PEX11A: variants seen among roughly 807,000 people sequenced by gnomAD.
PEX11A encodes peroxisomal biogenesis factor 11 alpha, also known as peroxisomal membrane protein 11A.
A neutral mutation model predicts 14.4 loss-of-function variants in PEX11A; 13 were observed. That is an observed-to-expected ratio of 0.90 (90% CI 0.59 to 1.43). PEX11A has a LOEUF of 1.43. PEX11A is among the 40% of genes most tolerant of loss of function. The pLI is 0.00. For missense variants in PEX11A, 290 were observed against 302.8 expected, an observed-to-expected ratio of 0.96 and a Z score of 0.31; for synonymous variants, 101 against 113.0, an observed-to-expected ratio of 0.89 and a Z score of 0.67.
chr15:89,681,592 T>A lies in PEX11A; in HGVS notation c.*1785A>T. ...CTATTACAGTAGAGGATCTGGACAA[T>A]AAAAATAGTTATTTAAGCTTTTTAT... On this transcript the variant is annotated 3_prime_UTR_variant, in exon 3 of 3. Transcript: ENST00000300056. The A allele has an allele frequency of 1.5e-6, 1 of 680,112 alleles. No individual in the cohort carries two copies. Among genetic ancestry groups the A allele is most frequent in the Non-Finnish European group, 2.7e-6 (1 of 375,360 alleles). The allele number at this position is 680,112 out of a possible 1,614,324, so 42.1% of individuals were successfully genotyped here.
intron 2 of PEX11A, among the ~76,000 whole-genome samples, chr15:89,685,120 C>T (rs980824106): frequency 2.1e-5 from 3 of 143,510 alleles, no homozygotes; most frequent in Non-Finnish European, 4.5e-5. Flanking sequence ...GGGAGAATTG[C>T]TTGAACCTGG....
In PEX11A at chr15:89,682,888, T is replaced by C. The variant is rs1372526640; in HGVS notation, c.*489A>G. The C allele has an allele frequency of 1.3e-5, 2 of 159,234 alleles. No homozygotes were observed. The highest frequency in any genetic ancestry group is 1.9e-4 in the East Asian group (1 of 5,364). 9.9% of individuals were successfully genotyped at this position (159,234 alleles called of 1,614,324 possible). A position where few individuals can be genotyped will look rare whatever the true frequency, so the allele number is the denominator to read the frequency against. ...CAGTGATGGTATAAGGGCCAACAAG[T>C]TGAGAGGCTGTAAGCCCAGCTCTCC... On this transcript the variant is annotated 3_prime_UTR_variant, in exon 3 of 3. Transcript: ENST00000300056.
rs897227991 is a variant in PEX11A at position 89,690,128 on chromosome 15, GA to G, written c.56+448del. On this transcript the variant is annotated intron_variant, in intron 1 of 2. Coordinates refer to ENST00000300056, the MANE Select transcript of PEX11A (RefSeq NM_003847.3). ...GACAGAGCGAGACTCCGTCTCAAAA[GA>G]AAAAAAAAAGAGAGATATTTGAAGT... Among the ~76,000 whole-genome samples the G allele has an allele frequency of 2.3e-3, 345 of 147,234 alleles. 1 individual carries two copies. Among genetic ancestry groups the G allele is most frequent in the Middle Eastern group, 7.1e-3 (2 of 280 alleles).
intron 1 of PEX11A, chr15:89,688,115 C>G: frequency 1.9e-6 from 1 of 536,546 alleles, no homozygotes; most frequent in South Asian, 1.4e-5. Context: ...ACCACAGCCA[C>G]TCTGCTTCCT....
intron 2 of PEX11A, among the ~76,000 whole-genome samples, chr15:89,685,882 C>A (rs912140355): frequency 6.6e-6 from 1 of 152,154 alleles, no homozygotes; most frequent in Non-Finnish European, 1.5e-5. Flanking sequence ...AAGGCAATTG[C>A]TATGAAAAGT....
chr15:89,690,726 T>G lies in PEX11A; in HGVS notation c.-94A>C. ...CCAGGGAACGGTCAGTCCCAGGTTA[T>G]CCGCTGAGGGGGAGGGGCTGAGTCT... is the stretch of plus-strand genomic sequence containing the variant. On this transcript the variant is annotated 5_prime_UTR_variant, in exon 1 of 3. Transcript: ENST00000300056. 8.0e-5 allele frequency: 70 copies of G among 870,744 alleles called. No homozygotes were observed. The highest frequency in any genetic ancestry group is 1.1e-4 in the Non-Finnish European group (62 of 557,982). The allele number at this position is 870,744 out of a possible 1,614,324, so 53.9% of individuals were successfully genotyped here.
intron 2 of PEX11A, among the ~76,000 whole-genome samples, chr15:89,685,325 C>G (rs538113624): frequency 6.6e-6 from 1 of 151,832 alleles, no homozygotes; most frequent in African/African-American, 2.4e-5. Flanking sequence ...CAGTTCTGGC[C>G]CTTGCACTAA....
In PEX11A at chr15:89,686,425, A is replaced by G. The variant is rs1381038621; in HGVS notation, c.172+6T>C. The G allele has an allele frequency of 8.1e-7, 1 of 1,234,744 alleles. No individual in the cohort carries two copies. The highest frequency in any genetic ancestry group is 1.9e-4 in the Middle Eastern group (1 of 5,328). 76.5% of individuals were successfully genotyped at this position (1,234,744 alleles called of 1,614,324 possible). ...GTCACTGTCCCTCAAGAAACAGGGT[A>G]CTTACATTTACGACCAGTGCTCACA... On this transcript the variant is annotated splice_donor_region_variant and intron_variant, in intron 2 of 2. Transcript: ENST00000300056.
At chr15:89,690,089 G>T (rs1964786132) in intron 1 of PEX11A, among the ~76,000 whole-genome samples, 1 of 152,046 alleles carries the variant, frequency 6.6e-6, no homozygotes. Flanking sequence ...CCGAGACCGC[G>T]CCACTGCCTG....
Position 89,683,339 on chromosome 15 carries a change from C to T in PEX11A, c.*38G>A. ...AATGTCTGTCCCACCAAGAGGCCAT[C>T]TTTTAAAGTAGGTACTAGTTCCAAG... On this transcript the variant is annotated 3_prime_UTR_variant, in exon 3 of 3. Coordinates refer to ENST00000300056, the MANE Select transcript of PEX11A (RefSeq NM_003847.3). 7.2e-7 allele frequency: 1 copy of T among 1,391,532 alleles called. No homozygotes were observed. Among genetic ancestry groups the T allele is most frequent in the Non-Finnish European group, 1.0e-6 (1 of 1,003,218 alleles). 86.2% of individuals were successfully genotyped at this position (1,391,532 alleles called of 1,614,324 possible). A position where few individuals can be genotyped will look rare whatever the true frequency, so the allele number is the denominator to read the frequency against.
chr15:89,690,329 G>A (rs1290085381), intron 1 of PEX11A, among the ~76,000 whole-genome samples: 1 of 152,216 alleles, frequency 6.6e-6, no homozygotes, highest in Admixed American at 6.5e-5. Context: ...GTCTCGAGGC[G>A]GCTAGGGTGC....
chr15:89,685,510 T>C (rs1964664533), intron 2 of PEX11A, among the ~76,000 whole-genome samples: 2 of 151,896 alleles, frequency 1.3e-5, no homozygotes, highest in South Asian at 4.1e-4. Flanking sequence ...AATTTAAATC[T>C]GTCAAACTAG....
rs1236033674 is a variant in PEX11A at position 89,683,367 on chromosome 15, T to C, written c.*10A>G. The stretch of plus-strand genomic sequence containing the variant: ...TTAAAGTAGGTACTAGTTCCAAGCC[T>C]AAAAACACCCTAACGGGTCTTCAGC... On this transcript the variant is annotated 3_prime_UTR_variant, in exon 3 of 3. Coordinates refer to ENST00000300056, the MANE Select transcript of PEX11A (RefSeq NM_003847.3). The C allele has an allele frequency of 6.3e-7, 1 of 1,595,726 alleles. No homozygotes were observed. Among genetic ancestry groups the C allele is most frequent in the Admixed American group, 1.7e-5 (1 of 57,664 alleles).
rs780025244 is a variant in PEX11A at position 89,683,568 on chromosome 15, AT to A, written c.552del (p.Leu184PhefsTer5). On this transcript the variant is annotated frameshift_variant, in exon 3 of 3. Transcript: ENST00000300056. LOFTEE classifies it high-confidence loss of function. ...GGAGGATGCTGCTTCAGAGATCGGA[AT>A]AAAAGAAGTAGAAAGGATTGGAGCC... ...TEWLQSFLLL[L>X]FRSLKQHPPL... The A allele has an allele frequency of 4.3e-6, 7 of 1,614,230 alleles. No homozygotes were observed. The highest frequency in any genetic ancestry group is 5.9e-6 in the Non-Finnish European group (7 of 1,180,022).
At chr15:89,685,262 A>G (rs1964661193) in intron 2 of PEX11A, among the ~76,000 whole-genome samples, 1 of 151,958 alleles carries the variant, frequency 6.6e-6, no homozygotes, top group Non-Finnish European at 1.5e-5. Context: ...AAATAACATA[A>G]AATAGTAAAA....
chr15:89,688,388 A>AATT (rs1218087072), intron 1 of PEX11A: 2 of 218,948 alleles, frequency 9.1e-6, no homozygotes, highest in South Asian at 6.6e-5. Context: ...ACATATCTTA[A>AATT]ATTATTATTA....
At position 89,686,592 on chromosome 15, in the gene PEX11A, A is replaced by G. The variant is rs775808935; in HGVS notation, c.57-46T>C. 5.9e-6 allele frequency: 5 copies of G among 844,456 alleles called. No homozygotes were observed. In the African/African-American group the frequency reaches 8.5e-5, roughly 14 times the overall value. The allele number at this position is 844,456 out of a possible 1,614,324, so 52.3% of individuals were successfully genotyped here. ...TTGAGAAGAATGATTTACAAACCAA[A>G]TAAAACTTAATTCAGGAAGTAAGGG... On this transcript the variant is annotated intron_variant, in intron 1 of 2. Transcript: ENST00000300056.
At chr15:89,689,767 C>A (rs1000409799) in intron 1 of PEX11A, among the ~76,000 whole-genome samples, 2 of 152,208 alleles carry the variant, frequency 1.3e-5, no homozygotes, top group South Asian at 4.1e-4. Context: ...AACTATTCCA[C>A]ATGCAGTATC....
rs759838036 is a variant in PEX11A at position 89,686,479 on chromosome 15, C to A, written c.124G>T (p.Val42Leu). The A allele has an allele frequency of 6.2e-7, 1 of 1,606,430 alleles. No homozygotes were observed. The highest frequency in any genetic ancestry group is 1.1e-5 in the South Asian group (1 of 90,902). ...GACTCCAGTTTCTTGAGCTTCATTA[C>A]CACCTTCTCTTTGCCAGCTTTGGGC... is the stretch of plus-strand genomic sequence containing the variant. Reference protein sequence around the residue: ...LEPKAGKEKVVMKLKKLESSV... With the variant: ...LEPKAGKEKVLMKLKKLESSV... Residue 42 changes from valine (V) to leucine (L), a missense_variant, in exon 2 of 3, where the codon GTA becomes TTA. Coordinates refer to ENST00000300056, the MANE Select transcript of PEX11A (RefSeq NM_003847.3).
Sources: gnomAD v4.1 joint callset for allele counts (sites outside exome capture counted in the v4.1 genomes callset) on GRCh38, gnomAD v4.1.1 for gene constraint, MANE v1.5 for transcripts, NCBI Gene and HGNC (gene_info 2026-07-23, HGNC 2026-07-21) for gene names.